Variants in FBXL13 observed in about 807,000 individuals in gnomAD.
FBXL13 encodes F-box and leucine rich repeat protein 13, also known as F-box and leucine-rich repeat protein 13.
A neutral mutation model predicts 83.6 loss-of-function variants in FBXL13; 67 were observed. The observed-to-expected ratio is 0.80, with a 90% confidence interval of 0.66 to 0.98. FBXL13 has a LOEUF of 0.98. Ranked by LOEUF, FBXL13 falls within the 50% of genes least tolerant of loss-of-function variation. The pLI is 0.00. For missense variants in FBXL13, 822 were observed against 866.5 expected (o/e 0.95, Z 0.64); for synonymous variants, 272 against 299.5 (o/e 0.91, Z 0.95).
In FBXL13 at chr7:103,066,541, G is replaced by C. The variant is rs571199041; in HGVS notation, c.-105+7705C>G. ...TGAGCAGCTGGGACTACAGGCGCCC[G>C]CCATCACGCCCAGCTAATTTTTTTT... On this transcript the variant is annotated intron_variant, in intron 1 of 19. Coordinates refer to ENST00000313221, the Ensembl canonical transcript of FBXL13. Among the ~76,000 whole-genome samples the C allele has an allele frequency of 2.6e-5, 4 of 151,966 alleles. No individual in the cohort carries two copies. In the South Asian group the frequency reaches 6.2e-4, roughly 24 times the overall value.
chr7:102,923,433 G>A (rs1817479657), intron 10 of FBXL13, among the ~76,000 whole-genome samples: 1 of 152,160 alleles, frequency 6.6e-6, no homozygotes, highest in South Asian at 2.1e-4. Context: ...TTTCACCGTA[G>A]AGATACAATG....
chr7:102,968,153 G>A, intron 6 of FBXL13, 36 bp from the exon 8 acceptor site: 1 of 1,462,236 alleles, frequency 6.8e-7, no homozygotes, highest in Non-Finnish European at 9.5e-7. Flanking sequence ...TTTGAAAAAT[G>A]TGAACTTTGA....
At chr7:102,834,930 T>G (rs916393625) in intron 17 of FBXL13, among the ~76,000 whole-genome samples, 1 of 151,492 alleles carries the variant, frequency 6.6e-6, no homozygotes, top group Non-Finnish European at 1.5e-5. Flanking sequence ...CAAAACAGCA[T>G]GTTGTACTTC....
intron 19 of FBXL13, chr7:102,814,343 T>C (rs1056775680): frequency 6.6e-6 from 1 of 152,190 alleles, no homozygotes; most frequent in Non-Finnish European, 1.5e-5. Context: ...CCTTGAGTTA[T>C]TAATTGCAAA....
At chr7:103,069,707 A>C (rs976464909) in intron 1 of FBXL13, among the ~76,000 whole-genome samples, 2 of 152,202 alleles carry the variant, frequency 1.3e-5, no homozygotes, top group Non-Finnish European at 2.9e-5. Flanking sequence ...GAAAGGACGA[A>C]CCTTTGCTGG....
chr7:102,813,967 C>G (rs537855342), intron 19 of FBXL13, among the ~76,000 whole-genome samples: 1 of 152,226 alleles, frequency 6.6e-6, no homozygotes, highest in South Asian at 2.1e-4. Flanking sequence ...CATGGATGAA[C>G]TTCAGGGAGG....
chr7:102,986,983 A>C (rs1829046075), intron 6 of FBXL13, among the ~76,000 whole-genome samples: 1 of 152,090 alleles, frequency 6.6e-6, no homozygotes, highest in African/African-American at 2.4e-5. Flanking sequence ...TAAGCCATAA[A>C]AAAAAAATGT....
chr7:102,946,927 C>T (rs1822617738), intron 8 of FBXL13, among the ~76,000 whole-genome samples: 1 of 152,056 alleles, frequency 6.6e-6, no homozygotes, highest in African/African-American at 2.4e-5. Context: ...CTGCTCGCCT[C>T]AGCCTCCCAA....
intron 6 of FBXL13, among the ~76,000 whole-genome samples, chr7:102,983,640 T>TA (rs1014850958): frequency 1.3e-5 from 2 of 151,954 alleles, no homozygotes; most frequent in African/African-American, 4.8e-5. Context: ...GGGCTGGTCT[T>TA]AAACTCCTGA....
chr7:102,952,085 A>G (rs1823514735), intron 8 of FBXL13, among the ~76,000 whole-genome samples: 1 of 152,202 alleles, frequency 6.6e-6, no homozygotes, highest in South Asian at 2.1e-4. Flanking sequence ...GAAGTAAGCC[A>G]GGCACAAAAG....
intron 11 of FBXL13, among the ~76,000 whole-genome samples, chr7:102,888,047 T>C (rs1421099827): frequency 1.3e-5 from 2 of 152,216 alleles, no homozygotes; most frequent in Non-Finnish European, 2.9e-5. Context: ...AGGGAAACAC[T>C]AACTAATAAA....
intron 2 of FBXL13, among the ~76,000 whole-genome samples, chr7:103,040,159 G>A (rs1482786226): frequency 2.0e-4 from 31 of 151,912 alleles, no homozygotes; most frequent in Admixed American, 2.0e-3. Context: ...GCAAAAAAAA[G>A]CAGGGGTTGC....
chr7:102,921,230 G>C (rs1479412790), intron 10 of FBXL13, among the ~76,000 whole-genome samples: 1 of 152,180 alleles, frequency 6.6e-6, no homozygotes, highest in South Asian at 2.1e-4. Flanking sequence ...GCTATAATCT[G>C]TAATGAAACA....
intron 8 of FBXL13, among the ~76,000 whole-genome samples, chr7:102,953,469 T>C (rs1471787832): frequency 1.3e-5 from 2 of 152,084 alleles, no homozygotes; most frequent in African/African-American, 4.8e-5. Flanking sequence ...CACCCTTTTA[T>C]AATAAGAACA....
intron 18 of FBXL13, among the ~76,000 whole-genome samples, chr7:102,827,649 T>C (rs1043574288): frequency 6.6e-6 from 1 of 152,018 alleles, no homozygotes; most frequent in Non-Finnish European, 1.5e-5. Flanking sequence ...TAACATTAGG[T>C]ATATCTCGTA....
At chr7:103,040,467 A>C (rs1050188924) in intron 2 of FBXL13, among the ~76,000 whole-genome samples, 9 of 152,192 alleles carry the variant, frequency 5.9e-5, no homozygotes, top group Non-Finnish European at 1.0e-4. Context: ...GCTCTGGACC[A>C]AGGAGACCTA....
chr7:103,035,970 A>G (rs942246415), intron 2 of FBXL13, among the ~76,000 whole-genome samples: 1 of 152,198 alleles, frequency 6.6e-6, no homozygotes, highest in Non-Finnish European at 1.5e-5. Flanking sequence ...ATGGCCTGTT[A>G]GGAACTAGGC....
At chr7:103,072,729 A>C (rs1799089105) in intron 1 of FBXL13, among the ~76,000 whole-genome samples, 1 of 152,048 alleles carries the variant, frequency 6.6e-6, no homozygotes, top group African/African-American at 2.4e-5. Context: ...CCCTCACTTA[A>C]TTACTCCCTC....
At chr7:102,868,749 C>G (rs1341459050) in intron 16 of FBXL13, among the ~76,000 whole-genome samples, 1 of 152,210 alleles carries the variant, frequency 6.6e-6, no homozygotes, top group African/African-American at 2.4e-5. Flanking sequence ...CTCACTGCAA[C>G]CTCTGCCTCC....
Sources: gnomAD v4.1 joint callset for allele counts (sites outside exome capture counted in the v4.1 genomes callset) on GRCh38, gnomAD v4.1.1 for gene constraint, MANE v1.5 for transcripts, NCBI Gene and HGNC (gene_info 2026-07-23, HGNC 2026-07-21) for gene names.